The following LRBA variants were observed in gnomAD, a reference collection of about 807,000 sequenced individuals.
LRBA encodes the protein LPS responsive beige-like anchor protein.
In LRBA, 176 loss-of-function variants were observed where a neutral mutation model predicts 330.0. The observed-to-expected ratio is 0.53, with a 90% confidence interval of 0.47 to 0.60. The LOEUF is 0.60. LRBA is among the 20% of genes least tolerant of loss of function. The pLI is 0.00. For synonymous variants in LRBA, 1,230 were observed against 1,193.0 expected, an observed-to-expected ratio of 1.03 and a Z score of -0.64; for missense variants, 3,259 against 3,444.8, an observed-to-expected ratio of 0.95 and a Z score of 1.35.
intron 48 of LRBA, among the ~76,000 whole-genome samples, chr4:150,339,819 C>T (rs950286914): frequency 6.6e-6 from 1 of 150,518 alleles, no homozygotes; most frequent in African/African-American, 2.4e-5. Context: ...TACTTCTCTA[C>T]TGGAAATTTA....
intron 29 of LRBA, among the ~76,000 whole-genome samples, chr4:150,830,703 AC>A (rs1366493446): frequency 6.6e-6 from 1 of 151,938 alleles, no homozygotes; most frequent in Non-Finnish European, 1.5e-5. Context: ...CCAGCCAAAA[AC>A]ACTGATTATC....
intron 47 of LRBA, among the ~76,000 whole-genome samples, chr4:150,387,564 A>T (rs1743272878): frequency 6.6e-6 from 1 of 152,188 alleles, no homozygotes; most frequent in African/African-American, 2.4e-5. Flanking sequence ...TGATGTTATG[A>T]AAAAAGATCC....
chr4:150,439,247 C>A (rs1339633013), intron 44 of LRBA, among the ~76,000 whole-genome samples: 4 of 152,076 alleles, frequency 2.6e-5, no homozygotes, highest in Admixed American at 1.3e-4. Flanking sequence ...TTATTACTCT[C>A]CAAATGAGTA....
At chr4:150,494,369 A>T (rs1408264365) in intron 40 of LRBA, among the ~76,000 whole-genome samples, 1 of 152,230 alleles carries the variant, frequency 6.6e-6, no homozygotes, top group Non-Finnish European at 1.5e-5. Flanking sequence ...TTGATATGTT[A>T]GGAATATCAC....
intron 47 of LRBA, among the ~76,000 whole-genome samples, chr4:150,391,592 C>T (rs935905736): frequency 6.6e-6 from 1 of 152,068 alleles, no homozygotes; most frequent in Non-Finnish European, 1.5e-5. Context: ...AGGCCAGACA[C>T]TATGTCATAT....
chr4:150,504,295 T>C lies in LRBA; in HGVS notation c.6331-13260A>G, dbSNP rs1439079197. ...AACTCCAAGACCCATAATTTTCAGA[T>C]TCACCAAAGTTGAAATGAAGGAAAA... On this transcript the variant is annotated intron_variant, in intron 40 of 56. Transcript: ENST00000651943. 4.6e-5 allele frequency among the ~76,000 whole-genome samples: 7 copies of C among 152,248 alleles called. No individual in the cohort carries two copies. In the East Asian group the frequency reaches 7.7e-4, roughly 17 times the overall value.
At chr4:150,816,698 T>A (rs746345589) in intron 31 of LRBA, among the ~76,000 whole-genome samples, 1 of 151,880 alleles carries the variant, frequency 6.6e-6, no homozygotes, top group South Asian at 2.1e-4. Flanking sequence ...TTGGACACTA[T>A]ATAAATATTT....
chr4:150,884,164 C>T (rs11099779), intron 17 of LRBA, among the ~76,000 whole-genome samples: 26,755 of 152,044 alleles, frequency 0.18, 3,039 homozygotes, highest in Non-Finnish European at 0.25. Flanking sequence ...CAGGGCAAAC[C>T]TATTCAGGGT....
Position 150,473,918 on chromosome 4 carries a change from T to C in LRBA, c.6552-2179A>G, listed in dbSNP as rs191634721. On this transcript the variant is annotated intron_variant, in intron 42 of 56. Coordinates refer to ENST00000651943, the MANE Select transcript of LRBA (RefSeq NM_001364905.1). ...ATGATATACAAATGTTGTATCAGTC[T>C]GTGGCTTATTTCTTCATTTACTTAG... 1.7e-3 allele frequency among the ~76,000 whole-genome samples: 259 copies of C among 152,328 alleles called. 4 individuals are homozygous for C. Among genetic ancestry groups the C allele is most frequent in the Admixed American group, 4.7e-3 (72 of 15,286 alleles).
chr4:150,963,056 C>T lies in LRBA; in HGVS notation c.217-33991G>A, dbSNP rs1738341842. Among the ~76,000 whole-genome samples, 3 of 145,634 alleles carry T rather than the reference C, an allele frequency of 2.1e-5. 1 individual carries two copies. The highest frequency in any genetic ancestry group is 8.1e-5 in the African/African-American group (3 of 37,152). On this transcript the variant is annotated intron_variant, in intron 2 of 56. Coordinates refer to ENST00000651943, the MANE Select transcript of LRBA (RefSeq NM_001364905.1). Reference sequence around the variant, plus strand: ...CACCACTAGTCAAGTCAAATCAATCCCTTTAAAATAAGAAGCTTCTAGAAA... The same window carrying T: ...CACCACTAGTCAAGTCAAATCAATCTCTTTAAAATAAGAAGCTTCTAGAAA...
At chr4:151,000,990 G>A (rs1262387130) in intron 2 of LRBA, among the ~76,000 whole-genome samples, 2 of 152,184 alleles carry the variant, frequency 1.3e-5, no homozygotes, top group African/African-American at 4.8e-5. Flanking sequence ...CTAGCCATTG[G>A]GGAGCCCCTA....
At chr4:150,556,047 C>G (rs1226472743) in intron 40 of LRBA, among the ~76,000 whole-genome samples, 4 of 152,034 alleles carry the variant, frequency 2.6e-5, no homozygotes, top group Admixed American at 6.6e-5. Flanking sequence ...AAGAGATCCT[C>G]ATGCCTCAAT....
At chr4:150,890,503 G>A (rs1271204742) in intron 17 of LRBA, among the ~76,000 whole-genome samples, 1 of 152,088 alleles carries the variant, frequency 6.6e-6, no homozygotes, top group Non-Finnish European at 1.5e-5. Context: ...TCACAGGACA[G>A]AAGGTAACTA....
intron 30 of LRBA, among the ~76,000 whole-genome samples, chr4:150,819,710 T>C (rs567195241): frequency 1.5e-4 from 23 of 152,216 alleles, no homozygotes; most frequent in African/African-American, 5.3e-4. Flanking sequence ...GTTCCAAATA[T>C]GCACAATCCC....
At chr4:150,882,571 A>G (rs1301095775) in intron 17 of LRBA, among the ~76,000 whole-genome samples, 1 of 152,180 alleles carries the variant, frequency 6.6e-6, no homozygotes, top group Non-Finnish European at 1.5e-5. Context: ...CTATTTGACT[A>G]TGCTTACATG....
chr4:150,592,168 T>TTTTTTTTTTTTTTTTTTTTTC (rs1772960313), intron 38 of LRBA, among the ~76,000 whole-genome samples: 1 of 146,606 alleles, frequency 6.8e-6, no homozygotes, highest in East Asian at 2.0e-4. Flanking sequence ...TTTTTTTTTT[T>TTTTTTTTTTTTTTTTTTTTTC]TTGCTCCACT....
chr4:150,395,039 T>A (rs1341163860), intron 47 of LRBA, among the ~76,000 whole-genome samples: 3 of 152,142 alleles, frequency 2.0e-5, no homozygotes, highest in African/African-American at 7.2e-5. Context: ...ATAGTTCATA[T>A]AAGAGATAAG....
intron 37 of LRBA, among the ~76,000 whole-genome samples, chr4:150,638,522 G>A (rs1778158494): frequency 6.6e-6 from 1 of 152,102 alleles, no homozygotes; most frequent in African/African-American, 2.4e-5. Context: ...GGGGTTCAGA[G>A]AATACTTAAG....
At chr4:150,536,793 CAA>C (rs1764700989) in intron 40 of LRBA, among the ~76,000 whole-genome samples, 1 of 152,050 alleles carries the variant, frequency 6.6e-6, no homozygotes, top group African/African-American at 2.4e-5. Flanking sequence ...AAGGTCTCCA[CAA>C]AGAGAACAAC....
Sources: gnomAD v4.1 joint callset for allele counts (sites outside exome capture counted in the v4.1 genomes callset) on GRCh38, gnomAD v4.1.1 for gene constraint, MANE v1.5 for transcripts, NCBI Gene and HGNC (gene_info 2026-07-23, HGNC 2026-07-21) for gene names.